GRXCR2: variants seen among roughly 807,000 people sequenced by gnomAD.
GRXCR2 encodes glutaredoxin domain-containing cysteine-rich protein 2.
Under a neutral mutation model 24.8 loss-of-function variants are expected in GRXCR2, and 23 were observed. The observed-to-expected ratio is 0.93, with a 90% CI of 0.67 to 1.32. The LOEUF (loss-of-function observed/expected upper bound fraction) is 1.32, where lower values mean the gene tolerates loss of function less well. GRXCR2 is among the 40% of genes most tolerant of loss of function. The probability of loss-of-function intolerance (pLI) is 0.00; values close to 1 mark genes in which losing one functional copy is unlikely to be tolerated. For missense variants in GRXCR2, 315 were observed against 303.4 expected, an observed-to-expected ratio of 1.04 and a Z score of -0.28; for synonymous variants, 130 against 116.1, an observed-to-expected ratio of 1.12 and a Z score of -0.77.
chr5:145,892,630 T>C (rs1184515000), intron 2 of GRXCR2, among the ~76,000 whole-genome samples: 1 of 152,162 alleles, frequency 6.6e-6, no homozygotes, highest in African/African-American at 2.4e-5. Context: ...TATGGGACTA[T>C]GTAAAAAGAC....
intron 2 of GRXCR2, among the ~76,000 whole-genome samples, chr5:145,895,976 C>T (rs201356116): frequency 6.6e-6 from 1 of 152,116 alleles, no homozygotes; most frequent in African/African-American, 2.4e-5. Context: ...GAAATAATGT[C>T]GCATATCTAC....
At chr5:145,916,977 C>T (rs1164115913) in intron 2 of GRXCR2, among the ~76,000 whole-genome samples, 1 of 151,896 alleles carries the variant, frequency 6.6e-6, no homozygotes, top group Non-Finnish European at 1.5e-5. Context: ...GACTTAAAAT[C>T]ATAGCCACAT....
chr5:145,891,694 T>G (rs1286937541), intron 2 of GRXCR2, among the ~76,000 whole-genome samples: 1 of 152,146 alleles, frequency 6.6e-6, no homozygotes, highest in African/African-American at 2.4e-5. Flanking sequence ...CTCTGTAGAC[T>G]CCACCTCTGG....
intron 2 of GRXCR2, among the ~76,000 whole-genome samples, chr5:145,888,632 C>T (rs1241121002): frequency 2.6e-5 from 4 of 151,966 alleles, no homozygotes; most frequent in African/African-American, 4.8e-5. Flanking sequence ...TGTATAAATT[C>T]AAAAACTAGA....
chr5:145,909,370 C>CATCAATCT (rs1204205202), intron 2 of GRXCR2, among the ~76,000 whole-genome samples: 5 of 46,782 alleles, frequency 1.1e-4, no homozygotes, highest in South Asian at 1.3e-3. Flanking sequence ...TAGAAGGATT[C>CATCAATCT]GTCTATTTTC....
At chr5:145,871,282 T>A (rs983363044) in intron 1 of GRXCR2, among the ~76,000 whole-genome samples, 1 of 152,134 alleles carries the variant, frequency 6.6e-6, no homozygotes, top group African/African-American at 2.4e-5. Context: ...TAATAAGCAC[T>A]CAACAAATGG....
At chr5:145,901,914 G>A (rs1307904889) in intron 2 of GRXCR2, among the ~76,000 whole-genome samples, 1 of 152,186 alleles carries the variant, frequency 6.6e-6, no homozygotes, top group Non-Finnish European at 1.5e-5. Context: ...GAAGGGAGCT[G>A]TGGAGGTAAT....
At chr5:145,926,695 T>C (rs1368521110) in intron 2 of GRXCR2, among the ~76,000 whole-genome samples, 1 of 152,224 alleles carries the variant, frequency 6.6e-6, no homozygotes, top group Non-Finnish European at 1.5e-5. Flanking sequence ...GGCTTACGAT[T>C]GACTTGGCAA....
chr5:145,911,623 G>A (rs1757168267), intron 2 of GRXCR2, among the ~76,000 whole-genome samples: 1 of 152,166 alleles, frequency 6.6e-6, no homozygotes, highest in South Asian at 2.1e-4. Context: ...TGAGCAGGTG[G>A]AACTCAGATA....
At chr5:145,898,506 C>T (rs1005685494) in intron 2 of GRXCR2, among the ~76,000 whole-genome samples, 1 of 152,038 alleles carries the variant, frequency 6.6e-6, no homozygotes, top group African/African-American at 2.4e-5. Context: ...GCCAATATCC[C>T]TGATGAATAT....
intron 2 of GRXCR2, among the ~76,000 whole-genome samples, chr5:145,879,722 T>C (rs537331658): frequency 2.6e-5 from 4 of 152,158 alleles, no homozygotes; most frequent in Non-Finnish European, 5.9e-5. Flanking sequence ...TCTACAGAAC[T>C]CTCTACCCCA....
At chr5:145,890,772 T>A (rs943279301) in intron 2 of GRXCR2, among the ~76,000 whole-genome samples, 8 of 151,714 alleles carry the variant, frequency 5.3e-5, no homozygotes, top group Non-Finnish European at 1.2e-4. Flanking sequence ...CACATGTTAA[T>A]ATTAATTTTG....
At chr5:145,870,510 T>G (rs1211570373) in intron 1 of GRXCR2, among the ~76,000 whole-genome samples, 3 of 152,234 alleles carry the variant, frequency 2.0e-5, no homozygotes, top group Non-Finnish European at 4.4e-5. Context: ...TTTCCACCTT[T>G]AGGCAATTGA....
At chr5:145,896,915 A>G (rs867767770) in intron 2 of GRXCR2, among the ~76,000 whole-genome samples, 2 of 152,168 alleles carry the variant, frequency 1.3e-5, no homozygotes, top group Non-Finnish European at 2.9e-5. Flanking sequence ...CTGGATTAAG[A>G]AAATGTGGCA....
chr5:145,926,203 G>A (rs6873171), intron 2 of GRXCR2, among the ~76,000 whole-genome samples: 21,763 of 151,982 alleles, frequency 0.14, 2,051 homozygotes, highest in African/African-American at 0.24. Flanking sequence ...ATGGATTAAC[G>A]TCTAATTACA....
chr5:145,907,499 A>T (rs1163822708), intron 2 of GRXCR2, among the ~76,000 whole-genome samples: 1 of 151,960 alleles, frequency 6.6e-6, no homozygotes, highest in Non-Finnish European at 1.5e-5. Flanking sequence ...ACTGCACTCC[A>T]GTCTGAGCGA....
At chr5:145,865,987 A>G (rs1024519907) in intron 2 of GRXCR2, among the ~76,000 whole-genome samples, 2 of 74,956 alleles carry the variant, frequency 2.7e-5, no homozygotes, top group African/African-American at 8.0e-5. Context: ...AAAATAAAAA[A>G]AAATTAGGCA....
In GRXCR2 at chr5:145,921,963, T is replaced by C. The variant is rs200065063; in HGVS notation, c.-70+13738A>G. ...ATAGATTCAAGGAGACATAAAATGA[T>C]AAATGAAAAACTCTGGGTGAAAACA... On this transcript the variant is annotated intron_variant, in intron 2 of 3. Transcript: ENST00000639411. Among the ~76,000 whole-genome samples, 9 of 152,320 alleles carry C rather than the reference T, an allele frequency of 5.9e-5. No individual in the cohort carries two copies. The East Asian group carries it at 1.7e-3, about 29-fold the overall frequency.
intron 1 of GRXCR2, among the ~76,000 whole-genome samples, chr5:145,870,864 G>A (rs570279692): frequency 1.1e-3 from 165 of 152,168 alleles, no homozygotes; most frequent in African/African-American, 3.6e-3. Context: ...CTTCAACATG[G>A]CCTCTAAAAC....
Sources: allele counts gnomAD v4.1 joint callset (sites outside exome capture counted in the v4.1 genomes callset), GRCh38; gene constraint gnomAD v4.1.1; transcripts MANE v1.5; gene names NCBI Gene and HGNC (gene_info 2026-07-23, HGNC 2026-07-21).